The following FAM193B variants were observed in gnomAD, a reference collection of about 807,000 sequenced individuals.
FAM193B encodes family with sequence similarity 193 member B.
In FAM193B, 27 loss-of-function variants were observed where a neutral mutation model predicts 70.7. The observed-to-expected ratio is 0.38, with a 90% CI of 0.28 to 0.53. FAM193B has a LOEUF of 0.53. Ranked by LOEUF, FAM193B falls within the 20% of genes least tolerant of loss-of-function variation. The pLI is 0.81. For missense variants in FAM193B, 1,022 were observed against 1,072.5 expected (o/e 0.95, Z 0.66); for synonymous variants, 448 against 436.0 (o/e 1.03, Z -0.34).
chr5:177,538,909 A>G lies in FAM193B; in HGVS notation c.449T>C (p.Val150Ala). 2 of 1,613,980 alleles carry G rather than the reference A, an allele frequency of 1.2e-6. No homozygotes were observed. Among genetic ancestry groups the G allele is most frequent in the East Asian group, 2.2e-5 (1 of 44,888 alleles). The change falls in exon 2 of 9, where the codon GTG (valine) becomes GCG (alanine). Residue 150 changes from valine to alanine, a missense_variant. Val to Ala is a moderately conservative substitution (Grantham distance 64, BLOSUM62 0). Transcript: ENST00000514747. This position sits in a 1 kb window ranked among gnomAD's most constrained non-coding sequence, Gnocchi z 4.1. ...CCCCTGTCAGCGGTTACCTACCGCC[A>G]CTGCATGTTCTCGACCTGTCTGCCT... ...DERQTGREHAVAISLSHTSCK... is the reference protein window; with the variant it reads ...DERQTGREHAAAISLSHTSCK...
chr5:177,524,870 C>G lies in FAM193B; in HGVS notation c.1611G>C (p.Leu537Phe), dbSNP rs1762352148. Residue 537 changes from leucine (L) to phenylalanine (F), a missense_variant, in exon 6 of 9, where the codon TTG (leucine) becomes TTC (phenylalanine). Physicochemically the swap from Leu to Phe is conservative, Grantham distance 22. Transcript: ENST00000514747. ...QPDINLDLSP[L>F]TLGSPQNHTL... is the part of the protein sequence containing the mutation. Reference sequence around the variant, plus strand: ...TGTGGTTCTGAGGGGAGCCCAAAGTCAAAGGGGACAGGTCAAGGTTGATGT... The same window carrying G: ...TGTGGTTCTGAGGGGAGCCCAAAGTGAAAGGGGACAGGTCAAGGTTGATGT... The G allele has an allele frequency of 6.6e-7, 1 of 1,510,472 alleles. No homozygotes were observed. The highest frequency in any genetic ancestry group is 1.4e-5 in the South Asian group (1 of 74,058). The allele number at this position is 1,510,472 out of a possible 1,614,324, so 93.6% of individuals were successfully genotyped here. A position where few individuals can be genotyped will look rare whatever the true frequency, so the allele number is the denominator to read the frequency against.
chr5:177,524,839 G>T lies in FAM193B; in HGVS notation c.1642C>A (p.Gln548Lys), dbSNP rs746930800. 5 of 1,512,546 alleles carry T rather than the reference G, an allele frequency of 3.3e-6. No individual in the cohort carries two copies. Among genetic ancestry groups the T allele is most frequent in the Non-Finnish European group, 3.5e-6 (4 of 1,133,106 alleles). 93.7% of individuals were successfully genotyped at this position (1,512,546 alleles called of 1,614,324 possible). ...GGTGGGGCTGGCTCGCCTGGAGCTT[G>T]TAACGTGTGGTTCTGAGGGGAGCCC... ...TLGSPQNHTL[Q>K]APGEPAPPWA... The change falls in exon 6 of 9, where the codon CAA becomes AAA. Residue 548 changes from glutamine (Q) to lysine (K), a missense_variant. Coordinates refer to ENST00000514747, the MANE Select transcript of FAM193B (RefSeq NM_001190946.3).
chr5:177,532,395 C>G lies in FAM193B; in HGVS notation c.1275+48G>C. The stretch of plus-strand genomic sequence containing the variant: ...GGGAGAGCAGGGTGCTCCTTTTGCT[C>G]ACCTTGGCTGGCCCCCAGCCCTCTC... On this transcript the variant is annotated intron_variant, in intron 5 of 8. Coordinates refer to ENST00000514747, the MANE Select transcript of FAM193B (RefSeq NM_001190946.3). The surrounding 1 kb of genome is among the most constrained non-coding windows in gnomAD (Gnocchi z 4.9). 1 of 1,569,452 alleles carries G rather than the reference C, an allele frequency of 6.4e-7. No homozygotes were observed. The highest frequency in any genetic ancestry group is 8.6e-7 in the Non-Finnish European group (1 of 1,160,918).
intron 1 of FAM193B, among the ~76,000 whole-genome samples, chr5:177,541,740 T>C (rs1026559951): frequency 2.0e-5 from 3 of 152,174 alleles, no homozygotes; most frequent in African/African-American, 7.2e-5. Context: ...ATGTGGCCTA[T>C]AAAGCACAAT....
At position 177,524,978 on chromosome 5, in the gene FAM193B, G is replaced by A; in HGVS notation, c.1503C>T (p.Gly501=). Residue 501 remains glycine (G), a synonymous_variant, in exon 6 of 9, where the codon GGC becomes GGT. Coordinates refer to ENST00000514747, the MANE Select transcript of FAM193B (RefSeq NM_001190946.3). ...SVCELSMDSN[G]FSKEGAAEPE... Reference sequence around the variant, plus strand: ...GCTCAGCAGCCCCCTCCTTAGAGAAGCCATTGCTGTCCATGCTGAGCTCAC... The same window carrying A: ...GCTCAGCAGCCCCCTCCTTAGAGAAACCATTGCTGTCCATGCTGAGCTCAC... The A allele has an allele frequency of 6.6e-7, 1 of 1,515,686 alleles. No individual in the cohort carries two copies. The allele number at this position is 1,515,686 out of a possible 1,614,324, so 93.9% of individuals were successfully genotyped here.
At position 177,554,482 on chromosome 5, in the gene FAM193B, G is replaced by A. The variant is rs1457512047; in HGVS notation, c.-24C>T. ...ATGCCGCCGCTCGCGCCGCTCCCTC[G>A]CTCCACACGCCGCCGCCGCCGCCGC... On this transcript the variant is annotated 5_prime_UTR_variant, in exon 1 of 9. Transcript: ENST00000514747. 3.6e-6 allele frequency: 3 copies of A among 839,528 alleles called. No individual in the cohort carries two copies. The highest frequency in any genetic ancestry group is 2.7e-6 in the Non-Finnish European group (2 of 745,040). The allele number at this position is 839,528 out of a possible 1,614,324, so 52.0% of individuals were successfully genotyped here. A position where few individuals can be genotyped will look rare whatever the true frequency, so the allele number is the denominator to read the frequency against.
intron 1 of FAM193B, among the ~76,000 whole-genome samples, chr5:177,549,042 A>T (rs1365106351): frequency 1.3e-5 from 2 of 152,116 alleles, no homozygotes; most frequent in Admixed American, 1.3e-4. Context: ...AGCTCTGAGA[A>T]GCATTCTCTG....
chr5:177,549,353 C>G (rs896366890), intron 1 of FAM193B, among the ~76,000 whole-genome samples: 1 of 151,948 alleles, frequency 6.6e-6, no homozygotes, highest in Non-Finnish European at 1.5e-5. Context: ...CCACCATGCC[C>G]GGCTAATTTT....
Position 177,536,873 on chromosome 5 carries a change from C to G in FAM193B, c.689-128G>C, listed in dbSNP as rs182446372. 415 of 1,268,318 alleles carry G rather than the reference C, an allele frequency of 3.3e-4. 4 individuals are homozygous for G. In the East Asian group the frequency reaches 0.01, roughly 31 times the overall value. The allele number at this position is 1,268,318 out of a possible 1,614,324, so 78.6% of individuals were successfully genotyped here. A position where few individuals can be genotyped will look rare whatever the true frequency, so the allele number is the denominator to read the frequency against. On this transcript the variant is annotated intron_variant, in intron 3 of 8. Coordinates refer to ENST00000514747, the MANE Select transcript of FAM193B (RefSeq NM_001190946.3). The stretch of plus-strand genomic sequence containing the variant: ...GCACAGCCTCTCAGCACAGGGGACC[C>G]TGGAGCTGCAGAAGATTCTGTGTGG...
In FAM193B at chr5:177,547,304, A is replaced by ATTTTTTTTTT; in HGVS notation, c.210+6944_210+6945insAAAAAAAAAA. The ATTTTTTTTTT allele has an allele frequency of 1.0e-3, 2 of 1,960 alleles. 1 individual carries two copies. The allele number at this position is 1,960 out of a possible 1,614,324, so 0.1% of individuals were successfully genotyped here. Reference sequence around the variant, plus strand: ...TTTATTTCTTTTTTTTTTTTTTTTGAGACGGAGTTTCGCTCTGTCGCCCAG... The same window carrying ATTTTTTTTTT: ...TTTATTTCTTTTTTTTTTTTTTTTGATTTTTTTTTTGACGGAGTTTCGCTCTGTCGCCCAG... On this transcript the variant is annotated intron_variant, in intron 1 of 8. Transcript: ENST00000514747.
At chr5:177,549,440 G>A (rs1028587994) in intron 1 of FAM193B, among the ~76,000 whole-genome samples, 4 of 151,934 alleles carry the variant, frequency 2.6e-5, no homozygotes, top group African/African-American at 4.8e-5. Flanking sequence ...TGATCCTCCC[G>A]CCTCGGCCTC....
At chr5:177,544,033 T>C (rs917544371) in intron 1 of FAM193B, among the ~76,000 whole-genome samples, 9 of 152,246 alleles carry the variant, frequency 5.9e-5, no homozygotes, top group African/African-American at 2.2e-4. Flanking sequence ...AGGATGCAGG[T>C]CTAGCCTTAG....
chr5:177,522,661 C>T (rs973152475), intron 7 of FAM193B, among the ~76,000 whole-genome samples: 2 of 151,874 alleles, frequency 1.3e-5, no homozygotes, highest in Non-Finnish European at 2.9e-5. Context: ...TTTAAATCAT[C>T]TCTAGATTAC....
At chr5:177,550,126 G>T (rs895658381) in intron 1 of FAM193B, among the ~76,000 whole-genome samples, 1 of 151,998 alleles carries the variant, frequency 6.6e-6, no homozygotes, top group Non-Finnish European at 1.5e-5. Flanking sequence ...GATAGCCTGG[G>T]CAACATAGCA....
At chr5:177,553,757 G>A (rs1404803695) in intron 1 of FAM193B, 3 of 1,287,610 alleles carry the variant, frequency 2.3e-6, no homozygotes, top group Admixed American at 2.3e-5. Context: ...GTATGGCGAG[G>A]AGGCGCCAGG....
intron 4 of FAM193B, among the ~76,000 whole-genome samples, chr5:177,533,980 C>T (rs1365871047): frequency 6.6e-6 from 1 of 152,236 alleles, no homozygotes; most frequent in Non-Finnish European, 1.5e-5. Context: ...ACGCCTGAAA[C>T]ATCCCATAAT....
At chr5:177,539,573 G>T (rs911673108) in intron 1 of FAM193B, among the ~76,000 whole-genome samples, 1 of 152,234 alleles carries the variant, frequency 6.6e-6, no homozygotes, top group African/African-American at 2.4e-5. Context: ...AGGAAAGAAT[G>T]CTTTTAGTCA....
At chr5:177,552,236 G>A (rs925074291) in intron 1 of FAM193B, 3 of 176,954 alleles carry the variant, frequency 1.7e-5, no homozygotes, top group Admixed American at 6.5e-5. Context: ...TCCTGAACTC[G>A]CAGAGTTCAC....
rs1766827307 is a variant in FAM193B, at chr5:177,554,540, C to T, written c.-82G>A. 2.3e-6 allele frequency: 2 copies of T among 859,846 alleles called. No individual in the cohort carries two copies. Among genetic ancestry groups the T allele is most frequent in the East Asian group, 1.0e-4 (1 of 9,722 alleles). The allele number at this position is 859,846 out of a possible 1,614,324, so 53.3% of individuals were successfully genotyped here. A position where few individuals can be genotyped will look rare whatever the true frequency, so the allele number is the denominator to read the frequency against. ...GCCGCCGCCGCCGCCGCTACCGCTC[C>T]CCTCACAGGACAACAGCCAATATGG... On this transcript the variant is annotated 5_prime_UTR_variant, in exon 1 of 9. Transcript: ENST00000514747.
Sources: allele counts gnomAD v4.1 joint callset (sites outside exome capture counted in the v4.1 genomes callset), GRCh38; gene constraint gnomAD v4.1.1; non-coding constraint Gnocchi (gnomAD v3.1); transcripts MANE v1.5; gene names NCBI Gene and HGNC (gene_info 2026-07-23, HGNC 2026-07-21).